Variants in MSANTD4 observed in about 807,000 individuals in gnomAD.
The protein encoded by MSANTD4 is myb/SANT-like DNA-binding domain-containing protein 4.
In MSANTD4, 13 loss-of-function variants were observed where a neutral mutation model predicts 34.3. That is an observed-to-expected ratio of 0.38 (90% CI 0.25 to 0.60). The LOEUF (loss-of-function observed/expected upper bound fraction) is 0.60. MSANTD4 is among the 20% of genes least tolerant of loss of function. MSANTD4 has a pLI of 0.63. For synonymous variants in MSANTD4, 137 were observed against 145.2 expected (o/e 0.94, Z 0.41); for missense variants, 358 against 401.8 (o/e 0.89, Z 0.93).
chr11:106,011,121 T>A, intron 1 of MSANTD4, 54 bp from the exon 2 acceptor site: 1 of 829,874 alleles, frequency 1.2e-6, no homozygotes. Flanking sequence ...TACAACATAC[T>A]TCAACCTAAT....
intron 1 of MSANTD4, among the ~76,000 whole-genome samples, chr11:106,016,729 G>C (rs977885358): frequency 6.6e-6 from 1 of 152,132 alleles, no homozygotes; most frequent in Non-Finnish European, 1.5e-5. Flanking sequence ...GTGAAGAACA[G>C]ATGTCCACCC....
Position 106,022,023 on chromosome 11 carries a change from C to G in MSANTD4, c.-1212G>C, listed in dbSNP as rs1308015593. 6.6e-6 allele frequency: 1 copy of G among 152,434 alleles called. No homozygotes were observed. The highest frequency in any genetic ancestry group is 2.4e-5 in the African/African-American group (1 of 41,466). The allele number at this position is 152,434 out of a possible 1,614,324, so 9.4% of individuals were successfully genotyped here. A position where few individuals can be genotyped will look rare whatever the true frequency, so the allele number is the denominator to read the frequency against. On this transcript the variant is annotated 5_prime_UTR_variant, in exon 1 of 3. Coordinates refer to ENST00000301919, the MANE Select transcript of MSANTD4 (RefSeq NM_032424.3). ...CCGGTCAGGCGACAGACGCGCGTGG[C>G]ACTTCTCCCGAGCGTGCAGTCCCGC...
chr11:106,022,124 A>G lies in MSANTD4; in HGVS notation c.-1313T>C, dbSNP rs1390192803. 1 of 152,630 alleles carries G rather than the reference A, an allele frequency of 6.6e-6. No individual in the cohort carries two copies. Among genetic ancestry groups the G allele is most frequent in the Non-Finnish European group, 1.5e-5 (1 of 68,500 alleles). The allele number at this position is 152,630 out of a possible 1,614,324, so 9.5% of individuals were successfully genotyped here. Reference sequence around the variant, plus strand: ...CGCTGACCCCTCCGGGACCCTACCCACTGCGAGGGCACCCACTGGTCACGG... The same window carrying G: ...CGCTGACCCCTCCGGGACCCTACCCGCTGCGAGGGCACCCACTGGTCACGG... On this transcript the variant is annotated 5_prime_UTR_variant, in exon 1 of 3. Transcript: ENST00000301919.
intron 1 of MSANTD4, among the ~76,000 whole-genome samples, chr11:106,012,524 T>C (rs1859726439): frequency 6.6e-6 from 1 of 152,238 alleles, no homozygotes; most frequent in African/African-American, 2.4e-5. Context: ...AATATTTGTA[T>C]ACAGATTTTG....
intron 1 of MSANTD4, among the ~76,000 whole-genome samples, chr11:106,014,591 T>C (rs946054560): frequency 1.3e-5 from 2 of 152,234 alleles, no homozygotes; most frequent in Admixed American, 1.3e-4. Context: ...TGCACATCTT[T>C]TCTATCATCT....
At position 106,009,623 on chromosome 11, in the gene MSANTD4, A is replaced by T; in HGVS notation, c.950T>A (p.Phe317Tyr). ...TTCAATCTGCAGCTTCTCAGATTCAAACTTCAAAAACTGCAGCCTATCCTT... is the reference window on the plus strand; with the variant it reads ...TTCAATCTGCAGCTTCTCAGATTCATACTTCAAAAACTGCAGCCTATCCTT... ...LEKDRLQFLK[F>Y]ESEKLQIEKE... is the part of the protein sequence containing the mutation. The change falls in exon 3 of 3, where the codon TTT becomes TAT. Residue 317 changes from phenylalanine (F) to tyrosine (Y), a missense_variant. Phe to Tyr is a conservative substitution (Grantham distance 22, BLOSUM62 3). Coordinates refer to ENST00000301919, the MANE Select transcript of MSANTD4 (RefSeq NM_032424.3). 6.2e-7 allele frequency: 1 copy of T among 1,614,188 alleles called. No individual in the cohort carries two copies. Among genetic ancestry groups the T allele is most frequent in the Non-Finnish European group, 8.5e-7 (1 of 1,180,040 alleles).
In MSANTD4 at chr11:106,010,629, G is replaced by T; in HGVS notation, c.289C>A (p.Pro97Thr). 2 of 1,614,134 alleles carry T rather than the reference G, an allele frequency of 1.2e-6. No homozygotes were observed. Among genetic ancestry groups the T allele is most frequent in the Non-Finnish European group, 1.7e-6 (2 of 1,180,018 alleles). Reference protein sequence around the residue: ...ANIKLVGSGFPLPSSDLDDSL... With the variant: ...ANIKLVGSGFTLPSSDLDDSL... Reference sequence around the variant, plus strand: ...TCATCCAAATCAGAGGAGGGAAGGGGAAATCCTGAACCAACCAGCTTAATG... The same window carrying T: ...TCATCCAAATCAGAGGAGGGAAGGGTAAATCCTGAACCAACCAGCTTAATG... Residue 97 changes from proline to threonine, a missense_variant, in exon 2 of 3, where the codon CCC becomes ACC. Pro to Thr is a conservative substitution (Grantham distance 38, BLOSUM62 -1). This residue lies in a region of MSANTD4 where 312 missense variants were observed against 317.6 expected (regional missense o/e 0.98). Coordinates refer to ENST00000301919, the MANE Select transcript of MSANTD4 (RefSeq NM_032424.3).
Position 106,017,931 on chromosome 11 carries a change from C to T in MSANTD4, c.-151+3031G>A, listed in dbSNP as rs191170971. 2.6e-3 allele frequency among the ~76,000 whole-genome samples: 394 copies of T among 152,050 alleles called. 4 individuals are homozygous for T. The highest frequency in any genetic ancestry group is 8.8e-3 in the African/African-American group (364 of 41,478). The stretch of plus-strand genomic sequence containing the variant: ...CAAACTATAGCATGTATATGAATCA[C>T]CTGGGAACCCCATTAAAATGCAGAC... On this transcript the variant is annotated intron_variant, in intron 1 of 2. Coordinates refer to ENST00000301919, the MANE Select transcript of MSANTD4 (RefSeq NM_032424.3).
In MSANTD4 at chr11:106,010,445, C is replaced by G; in HGVS notation, c.462+11G>C. The G allele has an allele frequency of 6.2e-7, 1 of 1,602,484 alleles. No individual in the cohort carries two copies. Among genetic ancestry groups the G allele is most frequent in the Non-Finnish European group, 8.5e-7 (1 of 1,174,268 alleles). On this transcript the variant is annotated intron_variant, in intron 2 of 2. Transcript: ENST00000301919. ...AAAAGATTAAAAGAGGGTACAGAGG[C>G]TAATACTTACTTCAGGACTCTGCGG...
At chr11:106,013,282 T>C (rs1859751496) in intron 1 of MSANTD4, among the ~76,000 whole-genome samples, 2 of 152,170 alleles carry the variant, frequency 1.3e-5, no homozygotes, top group Non-Finnish European at 2.9e-5. Context: ...TGAAATGGGA[T>C]GACATTACTA....
At chr11:106,020,781 A>G (rs1860010168) in intron 1 of MSANTD4, among the ~76,000 whole-genome samples, 181 bp downstream of exon 1, 1 of 152,222 alleles carries the variant, frequency 6.6e-6, no homozygotes, top group Non-Finnish European at 1.5e-5. Context: ...TCATTTAATC[A>G]AATGGGCTTT....
chr11:106,011,142 A>G, intron 1 of MSANTD4, 75 bp from the exon 2 acceptor site: 1 of 657,128 alleles, frequency 1.5e-6, no homozygotes, highest in Non-Finnish European at 2.3e-6. Flanking sequence ...GAACTATATA[A>G]TTTTTAAGAG....
chr11:106,010,814 T>C lies in MSANTD4; in HGVS notation c.104A>G (p.Gln35Arg). Reference protein sequence around the residue: ...TKRKEVIFSKQLNTTINVMKR... With the variant: ...TKRKEVIFSKRLNTTINVMKR... ...CATCACATTAATTGTTGTATTGAGCTGCTTGGAAAAAATGACTTCTTTCCT... is the reference window on the plus strand; with the variant it reads ...CATCACATTAATTGTTGTATTGAGCCGCTTGGAAAAAATGACTTCTTTCCT... The change falls in exon 2 of 3, where the codon CAG (glutamine) becomes CGG (arginine). Residue 35 changes from glutamine (Q) to arginine (R), a missense_variant. Gln to Arg is a conservative substitution (Grantham distance 43, BLOSUM62 1). Transcript: ENST00000301919. 6 of 1,614,124 alleles carry C rather than the reference T, an allele frequency of 3.7e-6. No homozygotes were observed. The highest frequency in any genetic ancestry group is 5.1e-6 in the Non-Finnish European group (6 of 1,179,976).
chr11:106,020,104 C>T (rs1859984265), intron 1 of MSANTD4, among the ~76,000 whole-genome samples: 1 of 152,044 alleles, frequency 6.6e-6, no homozygotes, highest in Non-Finnish European at 1.5e-5. Flanking sequence ...ATGAATAATG[C>T]AAATATACAA....
At chr11:106,019,358 A>G (rs143195349) in intron 1 of MSANTD4, among the ~76,000 whole-genome samples, 86 of 152,362 alleles carry the variant, frequency 5.6e-4, no homozygotes, top group African/African-American at 1.6e-3. Context: ...TGAGTATTTT[A>G]TTTAACCCAA....
Position 106,010,803 on chromosome 11 carries a change from T to C in MSANTD4, c.115A>G (p.Thr39Ala). 6.2e-7 allele frequency: 1 copy of C among 1,614,214 alleles called. No homozygotes were observed. Among genetic ancestry groups the C allele is most frequent in the Non-Finnish European group, 8.5e-7 (1 of 1,180,038 alleles). Residue 39 changes from threonine (T) to alanine (A), a missense_variant, in exon 2 of 3, where the codon ACA (threonine) becomes GCA (alanine). By Grantham distance (58) the Thr-to-Ala change is moderately conservative. Around this residue, in one of 2 missense-constraint regions of MSANTD4, gnomAD observed 46 missense variants for 84.3 expected, o/e 0.55. Coordinates refer to ENST00000301919, the MANE Select transcript of MSANTD4 (RefSeq NM_032424.3). ...GCCATTCGCTTCATCACATTAATTG[T>C]TGTATTGAGCTGCTTGGAAAAAATG... ...EVIFSKQLNT[T>A]INVMKRMAWE...
intron 1 of MSANTD4, among the ~76,000 whole-genome samples, chr11:106,011,921 C>G (rs1859706139): frequency 6.6e-6 from 1 of 152,070 alleles, no homozygotes; most frequent in Admixed American, 6.6e-5. Context: ...TGCCAACTAC[C>G]TACATTTTAC....
At chr11:106,010,417 T>C (rs1217189310) in intron 2 of MSANTD4, 39 bp downstream of exon 2, 7 of 1,545,884 alleles carry the variant, frequency 4.5e-6, no homozygotes, top group South Asian at 2.5e-5. Context: ...CACATCAGAA[T>C]TGAAAAGATT....
At chr11:106,017,164 T>A (rs1859874778) in intron 1 of MSANTD4, among the ~76,000 whole-genome samples, 1 of 152,218 alleles carries the variant, frequency 6.6e-6, no homozygotes, top group Non-Finnish European at 1.5e-5. Context: ...AGTATGGATG[T>A]CTTAGCACAT....
Sources: gnomAD v4.1 joint callset for allele counts (sites outside exome capture counted in the v4.1 genomes callset) on GRCh38, gnomAD v4.1.1 for gene constraint, gnomAD v4.1.1 regional missense constraint, MANE v1.5 for transcripts, NCBI Gene and HGNC (gene_info 2026-07-23, HGNC 2026-07-21) for gene names.